The following GNA15 variants were observed in gnomAD, a reference collection of about 807,000 sequenced individuals.
The protein encoded by GNA15 is guanine nucleotide-binding protein subunit alpha-15.
Under a neutral mutation model 40.1 loss-of-function variants are expected in GNA15, and 23 were observed. The ratio of observed to expected loss-of-function variants is 0.57; its 90% CI spans 0.41 to 0.81. The LOEUF (loss-of-function observed/expected upper bound fraction) is 0.81. Among genes scored for constraint, GNA15 ranks in the 40% least tolerant of loss-of-function variants. The probability of loss-of-function intolerance (pLI) is 0.00; values close to 1 mark genes in which losing one functional copy is unlikely to be tolerated. For missense variants in GNA15, 522 were observed against 515.8 expected (o/e 1.01, Z -0.12); for synonymous variants, 226 against 210.4 (o/e 1.07, Z -0.64).
At position 3,138,533 on chromosome 19, in the gene GNA15, G is replaced by A. The variant is rs548531104; in HGVS notation, c.145+1938G>A. Reference sequence around the variant, plus strand: ...TTTCCTCGTTCAGTGGGAAGAGGCCGCCCGAGAGGAAAGAGAGAGAACATC... The same window carrying A: ...TTTCCTCGTTCAGTGGGAAGAGGCCACCCGAGAGGAAAGAGAGAGAACATC... On this transcript the variant is annotated intron_variant, in intron 1 of 6. Transcript: ENST00000262958. Among the ~76,000 whole-genome samples, 5 of 152,344 alleles carry A rather than the reference G, an allele frequency of 3.3e-5. No homozygotes were observed. In the East Asian group the frequency reaches 5.8e-4, roughly 18 times the overall value.
intron 1 of GNA15, among the ~76,000 whole-genome samples, chr19:3,144,701 T>C (rs1013094075): frequency 2.7e-5 from 4 of 147,454 alleles, no homozygotes; most frequent in Non-Finnish European, 3.0e-5. Flanking sequence ...GTTAATTTTT[T>C]GTATTTTTAG....
At chr19:3,159,276 G>A (rs899128724) in intron 6 of GNA15, among the ~76,000 whole-genome samples, 1 of 149,316 alleles carries the variant, frequency 6.7e-6, no homozygotes, top group East Asian at 2.0e-4. Context: ...CACCTGTCTC[G>A]GCCTCCCAAA....
At chr19:3,161,275 A>G (rs1281837195) in intron 6 of GNA15, among the ~76,000 whole-genome samples, 1 of 152,086 alleles carries the variant, frequency 6.6e-6, no homozygotes, top group African/African-American at 2.4e-5. Flanking sequence ...TAACTTAACT[A>G]ATTACATCTG....
At position 3,163,075 on chromosome 19, in the gene GNA15, C is replaced by A; in HGVS notation, c.*56C>A. The A allele has an allele frequency of 9.1e-7, 1 of 1,102,926 alleles. No homozygotes were observed. Among genetic ancestry groups the A allele is most frequent in the Non-Finnish European group, 1.4e-6 (1 of 721,446 alleles). The allele number at this position is 1,102,926 out of a possible 1,614,324, so 68.3% of individuals were successfully genotyped here. On this transcript the variant is annotated 3_prime_UTR_variant, in exon 7 of 7. Coordinates refer to ENST00000262958, the MANE Select transcript of GNA15 (RefSeq NM_002068.4). ...GCGGGCGGGTGGGAGGTGGGAGTGG[C>A]TGCAGGGACCCCTAGTGTCCCTGGT...
chr19:3,159,774 T>C (rs1915105595), intron 6 of GNA15, among the ~76,000 whole-genome samples: 1 of 152,226 alleles, frequency 6.6e-6, no homozygotes, highest in Non-Finnish European at 1.5e-5. Context: ...TTTAATTACA[T>C]ATGAATCAAG....
intron 1 of GNA15, among the ~76,000 whole-genome samples, chr19:3,145,359 A>ATATATATATATATATATATATTTTT: frequency 1.5e-4 from 7 of 46,962 alleles, no homozygotes; most frequent in Non-Finnish European, 2.7e-4. Context: ...ATATATATAT[A>ATATATATATATATATATATATTTTT]TTTTTTTTTT....
intron 1 of GNA15, among the ~76,000 whole-genome samples, chr19:3,142,814 G>A (rs1568293522): frequency 6.6e-6 from 1 of 152,114 alleles, no homozygotes; most frequent in Non-Finnish European, 1.5e-5. Flanking sequence ...GGAGGTTGCG[G>A]TGTGCTGAGA....
chr19:3,138,521 T>A (rs530029506), intron 1 of GNA15, among the ~76,000 whole-genome samples: 2 of 152,182 alleles, frequency 1.3e-5, no homozygotes, highest in Non-Finnish European at 2.9e-5. Flanking sequence ...CCTCGTTCAG[T>A]GGGAAGAGGC....
At chr19:3,150,830 C>T (rs1440274436) in intron 3 of GNA15, among the ~76,000 whole-genome samples, 1 of 151,152 alleles carries the variant, frequency 6.6e-6, no homozygotes, top group Non-Finnish European at 1.5e-5. Flanking sequence ...GACCCTGGGC[C>T]TTGGAGTCCC....
chr19:3,136,740 G>A lies in GNA15; in HGVS notation c.145+145G>A. 1 of 757,164 alleles carries A rather than the reference G, an allele frequency of 1.3e-6. No homozygotes were observed. The allele number at this position is 757,164 out of a possible 1,614,324, so 46.9% of individuals were successfully genotyped here. A position where few individuals can be genotyped will look rare whatever the true frequency, so the allele number is the denominator to read the frequency against. ...CTCCTCCCAGGGAATGGGGAGCCTG[G>A]AACCCATTTTCCAGATGAGAAAGAC... On this transcript the variant is annotated intron_variant, in intron 1 of 6. Coordinates refer to ENST00000262958, the MANE Select transcript of GNA15 (RefSeq NM_002068.4). This position sits in a 1 kb window ranked among gnomAD's most constrained non-coding sequence, Gnocchi z 4.9.
chr19:3,147,043 C>A (rs1197382514), intron 1 of GNA15, among the ~76,000 whole-genome samples: 1 of 152,196 alleles, frequency 6.6e-6, no homozygotes, highest in Non-Finnish European at 1.5e-5. Flanking sequence ...AAGATTTTGA[C>A]AGCCACCTTC....
At chr19:3,156,163 GACACAC>G (rs141415003) in intron 5 of GNA15, among the ~76,000 whole-genome samples, 70 of 136,036 alleles carry the variant, frequency 5.1e-4, no homozygotes, top group South Asian at 7.2e-4. Context: ...CAGGACCCCA[GACACAC>G]ACACACACAC....
chr19:3,148,837 AC>A, intron 2 of GNA15, 62 bp downstream of exon 2: 1 of 1,467,868 alleles, frequency 6.8e-7, no homozygotes, highest in Non-Finnish European at 9.1e-7. Flanking sequence ...GGTTCCCCAG[AC>A]CCCGGAGCAG....
intron 6 of GNA15, 50 bp downstream of exon 6, chr19:3,157,931 C>G (rs781063167): frequency 7.1e-7 from 1 of 1,405,812 alleles, no homozygotes; most frequent in Non-Finnish European, 1.0e-6. Flanking sequence ...AAAGCAGCTC[C>G]GAAGAGAGAT....
intron 6 of GNA15, among the ~76,000 whole-genome samples, chr19:3,158,354 A>G (rs973934751): frequency 6.6e-6 from 1 of 151,916 alleles, no homozygotes; most frequent in Admixed American, 6.6e-5. Flanking sequence ...GGATTTCACC[A>G]TGTTGACCAG....
In GNA15 at chr19:3,136,343, G is replaced by C; in HGVS notation, c.-108G>C. On this transcript the variant is annotated 5_prime_UTR_variant, in exon 1 of 7. Transcript: ENST00000262958. The surrounding 1 kb of genome is among the most constrained non-coding windows in gnomAD (Gnocchi z 4.9). ...CCCAAGGAAAAGGCAGCCTCCCTGC[G>C]CACCCGGTTGCCCGGAGCCCTCTCC... The C allele has an allele frequency of 8.7e-7, 1 of 1,147,410 alleles. No homozygotes were observed. The highest frequency in any genetic ancestry group is 1.6e-5 in the South Asian group (1 of 61,876). 71.1% of individuals were successfully genotyped at this position (1,147,410 alleles called of 1,614,324 possible). A position where few individuals can be genotyped will look rare whatever the true frequency, so the allele number is the denominator to read the frequency against.
intron 1 of GNA15, among the ~76,000 whole-genome samples, chr19:3,144,978 G>A (rs761926966): frequency 4.6e-5 from 7 of 151,098 alleles, no homozygotes; most frequent in East Asian, 2.0e-4. Flanking sequence ...ACAGGTGCGC[G>A]CCACCATGCC....
Position 3,163,302 on chromosome 19 carries a change from A to G in GNA15, c.*283A>G. 2.2e-6 allele frequency: 1 copy of G among 463,840 alleles called. No individual in the cohort carries two copies. The highest frequency in any genetic ancestry group is 4.0e-5 in the East Asian group (1 of 24,750). 28.7% of individuals were successfully genotyped at this position (463,840 alleles called of 1,614,324 possible). ...GGGTGGATGAAAAGGTGAAGAAATC[A>G]GGGGATTGAGGACTTGGGTGGGTGG... On this transcript the variant is annotated 3_prime_UTR_variant, in exon 7 of 7. Transcript: ENST00000262958.
intron 5 of GNA15, among the ~76,000 whole-genome samples, chr19:3,156,578 C>T (rs1244833016): frequency 7.9e-5 from 12 of 152,148 alleles, no homozygotes; most frequent in African/African-American, 2.4e-4. Context: ...CTGGAAACTC[C>T]GCCTCCCGGG....
Sources: gnomAD v4.1 joint callset for allele counts (sites outside exome capture counted in the v4.1 genomes callset) on GRCh38, gnomAD v4.1.1 for gene constraint, Gnocchi (gnomAD v3.1) non-coding constraint, MANE v1.5 for transcripts, NCBI Gene and HGNC (gene_info 2026-07-23, HGNC 2026-07-21) for gene names.